Variants in BMP6 observed in about 807,000 individuals in gnomAD.
BMP6 encodes bone morphogenetic protein 6, also known as VG-1-R.
BMP6 carries 17 observed loss-of-function variants against 54.1 expected under a neutral mutation model. That is an observed-to-expected ratio of 0.31 (90% CI 0.22 to 0.47). The LOEUF (loss-of-function observed/expected upper bound fraction) is 0.47, where lower values mean the gene tolerates loss of function less well. Ranked by LOEUF, BMP6 falls within the 20% of genes least tolerant of loss-of-function variation. BMP6 has a pLI of 1.00. For synonymous variants in BMP6, 328 were observed against 291.2 expected (o/e 1.13, Z -1.28); for missense variants, 720 against 690.4 (o/e 1.04, Z -0.48).
rs1759711003 is a variant in BMP6 at position 7,880,917 on chromosome 6, CTGGAGTTTTGTTGGTGT to C, written c.*575_*591del. ...CAGTCATTGCTGTTGTATGTTCGTG[CTGGAGTTTTGTTGGTGT>C]GAAAATACACTTATTTCAGCCAAAA... On this transcript the variant is annotated 3_prime_UTR_variant, in exon 7 of 7. Transcript: ENST00000283147. 6.5e-6 allele frequency: 1 copy of C among 154,870 alleles called. No homozygotes were observed. Among genetic ancestry groups the C allele is most frequent in the African/African-American group, 2.4e-5 (1 of 41,464 alleles). The allele number at this position is 154,870 out of a possible 1,614,324, so 9.6% of individuals were successfully genotyped here. A position where few individuals can be genotyped will look rare whatever the true frequency, so the allele number is the denominator to read the frequency against.
At chr6:7,813,302 T>C (rs1383010378) in intron 1 of BMP6, among the ~76,000 whole-genome samples, 1 of 145,122 alleles carries the variant, frequency 6.9e-6, no homozygotes, top group East Asian at 2.0e-4. Flanking sequence ...TGGAATGACA[T>C]GGGTTTTAAG....
intron 1 of BMP6, among the ~76,000 whole-genome samples, chr6:7,819,501 A>C (rs1758576091): frequency 6.6e-6 from 1 of 152,088 alleles, no homozygotes; most frequent in Non-Finnish European, 1.5e-5. Context: ...GCAAACGGAG[A>C]TAAACAGGGA....
chr6:7,855,150 G>A (rs528656683), intron 2 of BMP6, among the ~76,000 whole-genome samples: 9 of 152,314 alleles, frequency 5.9e-5, no homozygotes, highest in African/African-American at 2.2e-4. Context: ...TTAGGGAGAG[G>A]AGCAAGAAAT....
intron 1 of BMP6, among the ~76,000 whole-genome samples, chr6:7,752,138 G>C (rs1757434930): frequency 6.6e-6 from 1 of 152,170 alleles, no homozygotes; most frequent in African/African-American, 2.4e-5. Flanking sequence ...TTCTTAAAGG[G>C]CGAAATGGTA....
chr6:7,750,515 A>G (rs770577791), intron 1 of BMP6, among the ~76,000 whole-genome samples: 9 of 152,216 alleles, frequency 5.9e-5, no homozygotes, highest in Admixed American at 1.3e-4. Flanking sequence ...GACTTTTGCA[A>G]TAACGATAAC....
chr6:7,766,284 C>T (rs1462910891), intron 1 of BMP6, among the ~76,000 whole-genome samples: 1 of 152,056 alleles, frequency 6.6e-6, no homozygotes, highest in Non-Finnish European at 1.5e-5. Context: ...GCTTTGCAAT[C>T]TACCTCTAAT....
At chr6:7,780,063 T>C (rs1757920029) in intron 1 of BMP6, among the ~76,000 whole-genome samples, 1 of 152,206 alleles carries the variant, frequency 6.6e-6, no homozygotes, top group Non-Finnish European at 1.5e-5. Flanking sequence ...AGGCTCTAGA[T>C]AGCACACACA....
chr6:7,826,518 G>A lies in BMP6; in HGVS notation c.665-18622G>A, dbSNP rs183418361. On this transcript the variant is annotated intron_variant, in intron 1 of 6. Coordinates refer to ENST00000283147, the MANE Select transcript of BMP6 (RefSeq NM_001718.6). ...GGCTCCTTAATGCCAACCTCTGGGC[G>A]TTTGAAGGTTATAAAAAGAGAAAAA... Among the ~76,000 whole-genome samples, 292 of 152,226 alleles carry A rather than the reference G, an allele frequency of 1.9e-3. 1 individual carries two copies. Among genetic ancestry groups the A allele is most frequent in the Non-Finnish European group, 3.1e-3 (214 of 67,998 alleles).
chr6:7,745,064 C>A (rs1431114402), intron 1 of BMP6, among the ~76,000 whole-genome samples: 1 of 152,180 alleles, frequency 6.6e-6, no homozygotes, highest in African/African-American at 2.4e-5. Flanking sequence ...GTGGGAGGGT[C>A]AGTCCAATAG....
chr6:7,744,038 G>A (rs990814792), intron 1 of BMP6, among the ~76,000 whole-genome samples: 6 of 152,102 alleles, frequency 3.9e-5, no homozygotes, highest in Admixed American at 1.3e-4. Flanking sequence ...TATGGAAAAA[G>A]GGGAAGGTTT....
At chr6:7,844,381 G>A (rs995405814) in intron 1 of BMP6, among the ~76,000 whole-genome samples, 2 of 147,094 alleles carry the variant, frequency 1.4e-5, no homozygotes, top group African/African-American at 5.1e-5. Flanking sequence ...TGAGAAAATA[G>A]CAGTGGCTCT....
chr6:7,773,425 T>C (rs1757819063), intron 1 of BMP6, among the ~76,000 whole-genome samples: 1 of 152,134 alleles, frequency 6.6e-6, no homozygotes, highest in Non-Finnish European at 1.5e-5. Flanking sequence ...TTAGGCAGGG[T>C]TCTAGGGAGA....
At chr6:7,762,990 C>T (rs1757634889) in intron 1 of BMP6, among the ~76,000 whole-genome samples, 1 of 152,232 alleles carries the variant, frequency 6.6e-6, no homozygotes. Flanking sequence ...GCCCATAAAA[C>T]ATGGCCGTGC....
intron 4 of BMP6, among the ~76,000 whole-genome samples, chr6:7,865,669 C>A (rs996110819): frequency 1.3e-5 from 2 of 152,134 alleles, no homozygotes; most frequent in Admixed American, 1.3e-4. Flanking sequence ...CTTCATGAAC[C>A]AGGTAGACAT....
chr6:7,813,108 A>AAAAAAAAAAT (rs1554122651), intron 1 of BMP6, among the ~76,000 whole-genome samples: 3 of 21,496 alleles, frequency 1.4e-4, no homozygotes, highest in African/African-American at 2.0e-4. Context: ...AAAAAAAAAA[A>AAAAAAAAAAT]ATATATATAT....
intron 1 of BMP6, 55 bp from the exon 2 acceptor site, chr6:7,845,085 C>T (rs1456319905): frequency 1.3e-5 from 20 of 1,493,470 alleles, no homozygotes; most frequent in South Asian, 9.9e-5. Context: ...GAGGTAAGCC[C>T]GTGGCACTTA....
At chr6:7,870,996 C>G (rs1192359305) in intron 4 of BMP6, among the ~76,000 whole-genome samples, 1 of 152,210 alleles carries the variant, frequency 6.6e-6, no homozygotes, top group Non-Finnish European at 1.5e-5. Context: ...TATCATGGGC[C>G]CCACTTGCCT....
intron 4 of BMP6, among the ~76,000 whole-genome samples, chr6:7,876,628 T>TTAACA (rs1759620915): frequency 2.0e-5 from 3 of 152,270 alleles, no homozygotes; most frequent in African/African-American, 7.2e-5. Context: ...GATGATTATC[T>TTAACA]GTTTAATGTA....
At position 7,786,460 on chromosome 6, in the gene BMP6, G is replaced by GTT. The variant is rs35750746; in HGVS notation, c.665-58660_665-58659dup. ...CAGCTGCTTTTCCCTTCTTTAGTCT[G>GTT]TTTTTTTTTTTTTTTTTTTTTAAAT... On this transcript the variant is annotated intron_variant, in intron 1 of 6. Coordinates refer to ENST00000283147, the MANE Select transcript of BMP6 (RefSeq NM_001718.6). Among the ~76,000 whole-genome samples, 1,147 of 135,126 alleles carry GTT rather than the reference G, an allele frequency of 8.5e-3. 7 individuals are homozygous for GTT. The highest frequency in any genetic ancestry group is 0.02 in the Middle Eastern group (5 of 254). The allele number at this position is 135,126 out of a possible 152,430, so 88.6% of individuals were successfully genotyped here. A position where few individuals can be genotyped will look rare whatever the true frequency, so the allele number is the denominator to read the frequency against.
Sources: allele counts gnomAD v4.1 joint callset (sites outside exome capture counted in the v4.1 genomes callset), GRCh38; gene constraint gnomAD v4.1.1; transcripts MANE v1.5; gene names NCBI Gene and HGNC (gene_info 2026-07-23, HGNC 2026-07-21).